The following ERCC6L2 variants were observed in gnomAD, a reference collection of about 807,000 sequenced individuals.
The protein encoded by ERCC6L2 is ERCC excision repair 6 like 2, also known as DNA excision repair protein ERCC-6-like 2.
Under a neutral mutation model 132.0 loss-of-function variants are expected in ERCC6L2, and 77 were observed. The ratio of observed to expected loss-of-function variants is 0.58; its 90% confidence interval spans 0.49 to 0.71. The LOEUF (loss-of-function observed/expected upper bound fraction) is 0.71, where lower values mean the gene tolerates loss of function less well. ERCC6L2 is among the 30% of genes least tolerant of loss of function. ERCC6L2 has a pLI of 0.00. For synonymous variants in ERCC6L2, 583 were observed against 632.4 expected (o/e 0.92, Z 1.17); for missense variants, 1,542 against 1,837.6 (o/e 0.84, Z 2.94).
At chr9:96,034,319 T>C (rs1005726653) in intron 19 of ERCC6L2, among the ~76,000 whole-genome samples, 1 of 152,152 alleles carries the variant, frequency 6.6e-6, no homozygotes, top group African/African-American at 2.4e-5. Flanking sequence ...GAGGAAACTG[T>C]AAATGTAGGT....
intron 13 of ERCC6L2, among the ~76,000 whole-genome samples, chr9:95,957,771 A>C (rs946777515): frequency 1.3e-5 from 2 of 152,118 alleles, no homozygotes; most frequent in African/African-American, 4.8e-5. Context: ...GGCACTAAAT[A>C]TGGTTTAAAG....
Position 95,921,302 on chromosome 9 carries a change from A to G in ERCC6L2, c.1286A>G (p.Asn429Ser). ...CTCRSGQKRR[N>S]CCYKTNSHGE... is the part of the protein sequence containing the mutation. ...TGTAGGAGTGGCCAAAAAAGGAGAA[A>G]TTGTTGTTATAAGGCAAGCATTTCA... The change falls in exon 7 of 19, where the codon AAT becomes AGT. Residue 429 changes from asparagine to serine, a missense_variant. By Grantham distance (46) the Asn-to-Ser change is conservative. Coordinates refer to ENST00000653738, the MANE Select transcript of ERCC6L2 (RefSeq NM_020207.7). 6.2e-7 allele frequency: 1 copy of G among 1,611,752 alleles called. No homozygotes were observed. Among genetic ancestry groups the G allele is most frequent in the Non-Finnish European group, 8.5e-7 (1 of 1,179,102 alleles).
At chr9:95,986,820 A>G (rs1833115012) in intron 17 of ERCC6L2, among the ~76,000 whole-genome samples, 1 of 152,136 alleles carries the variant, frequency 6.6e-6, no homozygotes, top group Non-Finnish European at 1.5e-5. Context: ...TTTGTCAGGT[A>G]TATTAGTCCA....
At chr9:95,966,529 C>T in intron 13 of ERCC6L2, 33 bp from the exon 14 acceptor site, 1 of 1,425,948 alleles carries the variant, frequency 7.0e-7, no homozygotes, top group African/African-American at 1.4e-5. Context: ...GGAGCAAACA[C>T]TTCAAAAATG....
At chr9:95,928,329 G>A in intron 10 of ERCC6L2, 179 bp downstream of exon 10, 1 of 468,520 alleles carries the variant, frequency 2.1e-6, no homozygotes, top group East Asian at 3.3e-5. Flanking sequence ...TTGTTTCAGG[G>A]TTGCTAAATA....
chr9:95,917,780 G>T (rs942428742), intron 6 of ERCC6L2, among the ~76,000 whole-genome samples: 4 of 152,168 alleles, frequency 2.6e-5, no homozygotes. Flanking sequence ...GGAGCAATTT[G>T]TGAGGCCCTG....
At chr9:96,020,537 C>G (rs187223917), downstream of ERCC6L2, 89 of 351,664 alleles carry the variant, frequency 2.5e-4, no homozygotes, top group East Asian at 6.4e-3. Flanking sequence ...CTCAAAGACC[C>G]CTTAGGGCAC....
At chr9:95,907,406 C>T (rs1482618038) in intron 4 of ERCC6L2, 135 bp downstream of exon 4, 6 of 669,380 alleles carry the variant, frequency 9.0e-6, no homozygotes, top group African/African-American at 3.9e-5. Context: ...AGTTTCGCCA[C>T]GTTGCCCAGG....
chr9:95,897,515 TTATTCTGA>T (rs1171500037), intron 2 of ERCC6L2, among the ~76,000 whole-genome samples: 1 of 152,184 alleles, frequency 6.6e-6, no homozygotes, highest in African/African-American at 2.4e-5. Context: ...TGTATACAGT[TTATTCTGA>T]TAGAGGATAC....
At chr9:95,920,324 C>A (rs1157128230) in intron 6 of ERCC6L2, among the ~76,000 whole-genome samples, 2 of 152,130 alleles carry the variant, frequency 1.3e-5, no homozygotes, top group East Asian at 3.8e-4. Context: ...TTTATGATGA[C>A]CTACTTCCAC....
intron 17 of ERCC6L2, among the ~76,000 whole-genome samples, chr9:95,983,680 T>C (rs1280066278): frequency 6.6e-6 from 1 of 152,222 alleles, no homozygotes; most frequent in African/African-American, 2.4e-5. Context: ...ATCCTGCCTC[T>C]GTCTTAGGAA....
chr9:95,906,616 A>G (rs190705259), intron 3 of ERCC6L2: 65 of 454,818 alleles, frequency 1.4e-4, no homozygotes, highest in Non-Finnish European at 2.4e-4. Flanking sequence ...AACTGAGAGT[A>G]TCTGAAAGAG....
chr9:96,012,390 A>G lies in ERCC6L2; in HGVS notation c.3840A>G (p.Gln1280=), dbSNP rs148086848. The G allele has an allele frequency of 1.6e-4, 213 of 1,361,478 alleles. No individual in the cohort carries two copies. Among genetic ancestry groups the G allele is most frequent in the Non-Finnish European group, 2.0e-4 (207 of 1,017,170 alleles). The allele number at this position is 1,361,478 out of a possible 1,614,324, so 84.3% of individuals were successfully genotyped here. ...AATTTTTTGTGGATTCTGTGTCACA[A>G]TTCAACAATTCTTCCTTTGAGAAAG... ...VKEFFVDSVS[Q]FNNSSFEKGE... is the part of the protein sequence containing the mutation. The change falls in exon 19 of 19, where the codon CAA becomes CAG. Residue 1280 remains glutamine (Q), a synonymous_variant. Transcript: ENST00000653738.
At chr9:95,902,135 T>C (rs1485965410) in intron 3 of ERCC6L2, among the ~76,000 whole-genome samples, 1 of 133,842 alleles carries the variant, frequency 7.5e-6, no homozygotes, top group East Asian at 2.4e-4. Context: ...TAAAAACTTT[T>C]CAAGTGTGAA....
Position 95,916,412 on chromosome 9 carries a change from A to C in ERCC6L2, c.1136A>C (p.Gln379Pro). 1 of 1,574,550 alleles carries C rather than the reference A, an allele frequency of 6.4e-7. No homozygotes were observed. Among genetic ancestry groups the C allele is most frequent in the Non-Finnish European group, 8.6e-7 (1 of 1,166,266 alleles). Residue 379 changes from glutamine (Q) to proline (P), a missense_variant, in exon 6 of 19, where the codon CAG (glutamine) becomes CCG (proline). Gln to Pro is a moderately conservative substitution (Grantham distance 76). This residue lies in a region of ERCC6L2 where 945 missense variants were observed against 1,105.2 expected (regional missense o/e 0.86). Transcript: ENST00000653738. ...CGCACCAAGACTCTTATCAAGGATC[A>C]GTTGCCTAAGAAGGAAGACCGGGTA... ...LRRTKTLIKD[Q>P]LPKKEDRMVY...
chr9:95,946,935 C>T (rs768124812), intron 12 of ERCC6L2, among the ~76,000 whole-genome samples: 6 of 152,170 alleles, frequency 3.9e-5, no homozygotes, highest in Admixed American at 6.5e-5. Context: ...TGTGTTCTGA[C>T]TGCTCTGCTT....
intron 2 of ERCC6L2, among the ~76,000 whole-genome samples, chr9:95,892,901 T>C (rs890716024): frequency 3.3e-5 from 5 of 152,228 alleles, no homozygotes; most frequent in African/African-American, 1.2e-4. Flanking sequence ...GATATTTAAT[T>C]GGAATATTTA....
intron 3 of ERCC6L2, chr9:95,906,712 T>G (rs1023138680): frequency 6.5e-6 from 3 of 460,930 alleles, no homozygotes; most frequent in African/African-American, 6.0e-5. Flanking sequence ...CCTGCTTGTG[T>G]ATGTACATTA....
At chr9:95,978,311 A>C in intron 17 of ERCC6L2, 96 bp downstream of exon 17, 2 of 726,432 alleles carry the variant, frequency 2.8e-6, no homozygotes, top group South Asian at 4.3e-5. Context: ...CAAAAGTAGC[A>C]ACAAAAACTG....
Sources: gnomAD v4.1 joint callset for allele counts (sites outside exome capture counted in the v4.1 genomes callset) on GRCh38, gnomAD v4.1.1 for gene constraint, gnomAD v4.1.1 regional missense constraint, MANE v1.5 for transcripts, NCBI Gene and HGNC (gene_info 2026-07-23, HGNC 2026-07-21) for gene names.